The following PROX1 variants were observed in gnomAD, a reference collection of about 807,000 sequenced individuals.
The protein encoded by PROX1 is prospero homeobox 1, also known as prospero homeobox protein 1.
A neutral mutation model predicts 58.8 loss-of-function variants in PROX1; 7 were observed. The ratio of observed to expected loss-of-function variants is 0.12; its 90% CI spans 0.07 to 0.22. The LOEUF (loss-of-function observed/expected upper bound fraction) is 0.22. Among genes scored for constraint, PROX1 ranks in the 10% least tolerant of loss-of-function variants. The pLI, the probability that PROX1 is intolerant of heterozygous loss-of-function variation, is 1.00. For missense variants in PROX1, 675 were observed against 927.8 expected, an observed-to-expected ratio of 0.73 and a Z score of 3.54; for synonymous variants, 350 against 358.3, an observed-to-expected ratio of 0.98 and a Z score of 0.26.
chr1:214,039,551 G>C lies in PROX1; in HGVS notation c.*3717G>C, dbSNP rs1212999519. 4 of 152,160 alleles carry C rather than the reference G, an allele frequency of 2.6e-5. No homozygotes were observed. The highest frequency in any genetic ancestry group is 9.7e-5 in the African/African-American group (4 of 41,440). 9.4% of individuals were successfully genotyped at this position (152,160 alleles called of 1,614,324 possible). On this transcript the variant is annotated 3_prime_UTR_variant, in exon 5 of 5. Coordinates refer to ENST00000366958, the MANE Select transcript of PROX1 (RefSeq NM_001270616.2). ...TCATGGCTGTCATTATGTAAGACAT[G>C]AGATTTTAATAAATAACTACATTCT... is the stretch of plus-strand genomic sequence containing the variant.
upstream of PROX1, among the ~76,000 whole-genome samples, chr1:213,986,966 T>A (rs1662838418): frequency 6.6e-6 from 1 of 152,248 alleles, no homozygotes; most frequent in Non-Finnish European, 1.5e-5. Flanking sequence ...GCCTGCGATT[T>A]ATGCGTTTGA....
intron 4 of PROX1, among the ~76,000 whole-genome samples, chr1:214,018,054 A>C (rs144532291): frequency 6.6e-6 from 1 of 152,324 alleles, no homozygotes; most frequent in Non-Finnish European, 1.5e-5. Context: ...ATGTCTGAAG[A>C]AGTTCTAACA....
intron 4 of PROX1, among the ~76,000 whole-genome samples, chr1:214,033,525 G>A (rs1041503812): frequency 5.3e-5 from 8 of 152,182 alleles, no homozygotes; most frequent in Non-Finnish European, 8.8e-5. Flanking sequence ...ATGAACCCAG[G>A]AGGCAGAGGT....
At chr1:214,031,492 C>G (rs1021594592) in intron 4 of PROX1, among the ~76,000 whole-genome samples, 1 of 152,130 alleles carries the variant, frequency 6.6e-6, no homozygotes, top group Non-Finnish European at 1.5e-5. Flanking sequence ...CTCCTCCGCC[C>G]GCCCTCCCCA....
At chr1:214,010,050 G>T (rs1663854045) in intron 3 of PROX1, among the ~76,000 whole-genome samples, 1 of 152,178 alleles carries the variant, frequency 6.6e-6, no homozygotes, top group Non-Finnish European at 1.5e-5. Flanking sequence ...GCAACCAGAA[G>T]ATCAGATAAT....
Position 213,997,103 on chromosome 1 carries a change from G to C in PROX1, c.568G>C (p.Glu190Gln). 1 of 1,613,858 alleles carries C rather than the reference G, an allele frequency of 6.2e-7. No homozygotes were observed. Among genetic ancestry groups the C allele is most frequent in the Non-Finnish European group, 8.5e-7 (1 of 1,179,922 alleles). Reference sequence around the variant, plus strand: ...TGTGGCATTAAGGGGCAATGAAAATGAAAGAGAGATGGCCCCGCAGTCTGT... The same window carrying C: ...TGTGGCATTAAGGGGCAATGAAAATCAAAGAGAGATGGCCCCGCAGTCTGT... Reference protein sequence around the residue: ...PSVALRGNENEREMAPQSVSP... With the variant: ...PSVALRGNENQREMAPQSVSP... Residue 190 changes from glutamate to glutamine, a missense_variant, in exon 2 of 5, where the codon GAA (glutamate) becomes CAA (glutamine). Transcript: ENST00000366958. This position sits in a 1 kb window ranked among gnomAD's most constrained non-coding sequence, Gnocchi z 7.1.
intron 4 of PROX1, among the ~76,000 whole-genome samples, chr1:214,026,090 G>T (rs1356695047): frequency 6.6e-6 from 1 of 152,084 alleles, no homozygotes; most frequent in Non-Finnish European, 1.5e-5. Context: ...AGTATCTCAG[G>T]GGGAGAGAAT....
Position 214,035,947 on chromosome 1 carries a change from T to C in PROX1, c.*113T>C, listed in dbSNP as rs1664814303. ...TATATGTGTATGGGAGGCATGGATA[T>C]GTTATGAAATCAGCTGGTAATTCCT... is the stretch of plus-strand genomic sequence containing the variant. On this transcript the variant is annotated 3_prime_UTR_variant, in exon 5 of 5. Coordinates refer to ENST00000366958, the MANE Select transcript of PROX1 (RefSeq NM_001270616.2). The C allele has an allele frequency of 5.6e-5, 49 of 872,352 alleles. No homozygotes were observed. In the East Asian group the frequency reaches 1.5e-3, roughly 27 times the overall value. 54.0% of individuals were successfully genotyped at this position (872,352 alleles called of 1,614,324 possible).
At chr1:214,016,080 G>A (rs890703510) in intron 4 of PROX1, among the ~76,000 whole-genome samples, 1 of 152,180 alleles carries the variant, frequency 6.6e-6, no homozygotes, top group African/African-American at 2.4e-5. Flanking sequence ...CCATCTTAGA[G>A]ACTGTGGGTT....
At chr1:214,018,267 A>T (rs947463944) in intron 4 of PROX1, among the ~76,000 whole-genome samples, 1 of 152,228 alleles carries the variant, frequency 6.6e-6, no homozygotes, top group African/African-American at 2.4e-5. Flanking sequence ...TTTAATGACT[A>T]TTCACTCACT....
chr1:214,018,635 G>A (rs554708624), intron 4 of PROX1, among the ~76,000 whole-genome samples: 2 of 152,290 alleles, frequency 1.3e-5, no homozygotes, highest in African/African-American at 4.8e-5. Context: ...CTTCCGAGGA[G>A]AGCAGTTGAA....
At chr1:213,996,317 A>G (rs1663261695) in intron 1 of PROX1, among the ~76,000 whole-genome samples, 152 bp from the exon 2 acceptor site, 1 of 152,128 alleles carries the variant, frequency 6.6e-6, no homozygotes, top group Admixed American at 6.5e-5. Context: ...AAAATGTTTC[A>G]TTTCAAGCAG....
At position 214,038,893 on chromosome 1, in the gene PROX1, G is replaced by A. The variant is rs1021857122; in HGVS notation, c.*3059G>A. On this transcript the variant is annotated 3_prime_UTR_variant, in exon 5 of 5. Coordinates refer to ENST00000366958, the MANE Select transcript of PROX1 (RefSeq NM_001270616.2). ...AGAATTTTTAGAACAGTTTGATACCGCAAATTATTTTTTCCTCAATTGTTT... is the reference window on the plus strand; with the variant it reads ...AGAATTTTTAGAACAGTTTGATACCACAAATTATTTTTTCCTCAATTGTTT... 2 of 152,102 alleles carry A rather than the reference G, an allele frequency of 1.3e-5. No individual in the cohort carries two copies. Among genetic ancestry groups the A allele is most frequent in the East Asian group, 1.9e-4 (1 of 5,196 alleles). 9.4% of individuals were successfully genotyped at this position (152,102 alleles called of 1,614,324 possible).
chr1:213,993,741 A>G (rs1571797639), intron 1 of PROX1, among the ~76,000 whole-genome samples: 1 of 152,206 alleles, frequency 6.6e-6, no homozygotes, highest in South Asian at 2.1e-4. Flanking sequence ...ATTTGTGCCT[A>G]TTAATATAAT....
intron 4 of PROX1, among the ~76,000 whole-genome samples, chr1:214,035,104 T>C (rs1413658822): frequency 6.6e-6 from 1 of 152,210 alleles, no homozygotes; most frequent in African/African-American, 2.4e-5. Context: ...TACTTTATAT[T>C]GCAGATTAAT....
At chr1:214,025,283 A>T (rs556636438) in intron 4 of PROX1, among the ~76,000 whole-genome samples, 1 of 152,294 alleles carries the variant, frequency 6.6e-6, no homozygotes, top group South Asian at 2.1e-4. Context: ...AAGTGAATCA[A>T]TCGAACTATC....
rs149999134 is a variant in PROX1, at chr1:214,039,247, G to A, written c.*3413G>A. 2 of 152,282 alleles carry A rather than the reference G, an allele frequency of 1.3e-5. No individual in the cohort carries two copies. Among genetic ancestry groups the A allele is most frequent in the Non-Finnish European group, 2.9e-5 (2 of 68,024 alleles). 9.4% of individuals were successfully genotyped at this position (152,282 alleles called of 1,614,324 possible). A position where few individuals can be genotyped will look rare whatever the true frequency, so the allele number is the denominator to read the frequency against. On this transcript the variant is annotated 3_prime_UTR_variant, in exon 5 of 5. Transcript: ENST00000366958. ...TTTAATTCTTACTGTATCTCTGGCT[G>A]TTTAATGAGGACGTTTCACATTAAA...
intron 4 of PROX1, among the ~76,000 whole-genome samples, chr1:214,034,430 G>A (rs77473391): frequency 0.015 from 2,267 of 152,208 alleles, 35 homozygotes; most frequent in Admixed American, 0.047. Flanking sequence ...GTCCTCATAC[G>A]TCTGCACTTA....
At chr1:214,000,695 G>A (rs1487232471) in intron 2 of PROX1, among the ~76,000 whole-genome samples, 1 of 152,188 alleles carries the variant, frequency 6.6e-6, no homozygotes, top group Non-Finnish European at 1.5e-5. Context: ...CTCAGGAAGA[G>A]TAAGATAGGC....
Sources: allele counts gnomAD v4.1 joint callset (sites outside exome capture counted in the v4.1 genomes callset), GRCh38; gene constraint gnomAD v4.1.1; non-coding constraint Gnocchi (gnomAD v3.1); transcripts MANE v1.5; gene names NCBI Gene and HGNC (gene_info 2026-07-23, HGNC 2026-07-21).